OXR1: variants seen among roughly 807,000 people sequenced by gnomAD.
OXR1 encodes oxidation resistance protein 1.
Under a neutral mutation model 104.6 loss-of-function variants are expected in OXR1, and 41 were observed. The observed-to-expected ratio is 0.39, with a 90% CI of 0.31 to 0.51. The LOEUF (loss-of-function observed/expected upper bound fraction) is 0.51. Among genes scored for constraint, OXR1 ranks in the 20% least tolerant of loss-of-function variants. The pLI is 0.77. For synonymous variants in OXR1, 348 were observed against 348.4 expected, an observed-to-expected ratio of 1.00 and a Z score of 0.01; for missense variants, 955 against 1,031.9, an observed-to-expected ratio of 0.93 and a Z score of 1.02.
chr8:106,711,157 A>G (rs1319684776), intron 10 of OXR1, among the ~76,000 whole-genome samples: 1 of 152,120 alleles, frequency 6.6e-6, no homozygotes, highest in Non-Finnish European at 1.5e-5. Flanking sequence ...AATATCTTCT[A>G]TATACGTGAC....
At chr8:106,723,582 T>C (rs1833045270) in intron 11 of OXR1, among the ~76,000 whole-genome samples, 1 of 150,126 alleles carries the variant, frequency 6.7e-6, no homozygotes. Flanking sequence ...TGAGGCAGGA[T>C]AATCACTTGA....
chr8:106,529,917 A>G (rs963241384), intron 3 of OXR1, among the ~76,000 whole-genome samples: 2 of 152,230 alleles, frequency 1.3e-5, no homozygotes, highest in Non-Finnish European at 2.9e-5. Flanking sequence ...CATGGTTGAG[A>G]AATAAGCATG....
intron 11 of OXR1, among the ~76,000 whole-genome samples, chr8:106,717,171 G>A (rs530289242): frequency 7.2e-5 from 11 of 152,166 alleles, no homozygotes; most frequent in African/African-American, 2.6e-4. Flanking sequence ...GGGCAACAGA[G>A]TGAGACTCCA....
chr8:106,511,336 C>T (rs1812512022), intron 2 of OXR1, among the ~76,000 whole-genome samples: 1 of 152,156 alleles, frequency 6.6e-6, no homozygotes, highest in Non-Finnish European at 1.5e-5. Context: ...ACTTGGAAAA[C>T]CTGCATTCTC....
At chr8:106,651,830 C>A (rs1237197323) in intron 3 of OXR1, among the ~76,000 whole-genome samples, 1 of 152,038 alleles carries the variant, frequency 6.6e-6, no homozygotes, top group African/African-American at 2.4e-5. Flanking sequence ...GAGTGTATTG[C>A]ATCTGTATAT....
chr8:106,398,199 C>T lies in OXR1; in HGVS notation c.23+38563C>T, dbSNP rs189873351. Among the ~76,000 whole-genome samples, 387 of 152,250 alleles carry T rather than the reference C, an allele frequency of 2.5e-3. 4 individuals carry two copies. Among genetic ancestry groups the T allele is most frequent in the African/African-American group, 8.7e-3 (363 of 41,540 alleles). ...TTGTATCACTAATTCTCTTCATTGG[C>T]TGAGCTGTGGTCTAGACTGTCAGTA... On this transcript the variant is annotated intron_variant, in intron 2 of 16. Transcript: ENST00000517566.
At chr8:106,387,711 A>G (rs1169809785) in intron 2 of OXR1, among the ~76,000 whole-genome samples, 1 of 152,180 alleles carries the variant, frequency 6.6e-6, no homozygotes, top group Admixed American at 6.6e-5. Flanking sequence ...TTTAATTTCA[A>G]ATAGATCATT....
intron 3 of OXR1, among the ~76,000 whole-genome samples, chr8:106,578,474 T>C (rs1167705588): frequency 1.3e-5 from 2 of 152,242 alleles, no homozygotes; most frequent in South Asian, 2.1e-4. Flanking sequence ...GTAACTCCGA[T>C]AGAAGCTATC....
chr8:106,707,175 T>G (rs1345124578), intron 9 of OXR1, 30 bp downstream of exon 9: 1 of 1,601,010 alleles, frequency 6.2e-7, no homozygotes. Context: ...TGAAGTTAGT[T>G]CATCCAATTG....
chr8:106,576,356 A>G (rs2130595488), intron 3 of OXR1, among the ~76,000 whole-genome samples: 1 of 150,432 alleles, frequency 6.6e-6, no homozygotes, highest in South Asian at 2.1e-4. Flanking sequence ...ACTTTATGTT[A>G]TTTTTAGAAT....
At chr8:106,739,888 T>G (rs1834771693) in intron 13 of OXR1, among the ~76,000 whole-genome samples, 1 of 152,186 alleles carries the variant, frequency 6.6e-6, no homozygotes, top group African/African-American at 2.4e-5. Context: ...ATGCACATTT[T>G]TTATTAAGTT....
chr8:106,538,241 A>G (rs1480735586), intron 3 of OXR1, among the ~76,000 whole-genome samples: 3 of 152,216 alleles, frequency 2.0e-5, no homozygotes, highest in Non-Finnish European at 2.9e-5. Flanking sequence ...AAATTCTTGA[A>G]TTTTAATATT....
chr8:106,440,114 C>T (rs369370036), intron 2 of OXR1, among the ~76,000 whole-genome samples: 36 of 152,160 alleles, frequency 2.4e-4, no homozygotes, highest in African/African-American at 8.4e-4. Context: ...TGCTCCTCAG[C>T]GGTGGGACTG....
chr8:106,405,162 A>AGTGTGTG (rs765094364), intron 2 of OXR1, among the ~76,000 whole-genome samples: 1 of 48,026 alleles, frequency 2.1e-5, no homozygotes, highest in Non-Finnish European at 4.2e-5. Flanking sequence ...ATATATATAT[A>AGTGTGTG]TATATATATA....
chr8:106,320,698 G>A (rs1483228041), intron 1 of OXR1, among the ~76,000 whole-genome samples: 1 of 151,688 alleles, frequency 6.6e-6, no homozygotes, highest in African/African-American at 2.4e-5. Context: ...CGGGGACAGA[G>A]TCTTGCTCTG....
chr8:106,718,761 C>G (rs1379132580), intron 11 of OXR1, among the ~76,000 whole-genome samples: 2 of 151,398 alleles, frequency 1.3e-5, no homozygotes, highest in African/African-American at 4.9e-5. Flanking sequence ...ATGGCGTGAA[C>G]CTGGGAGGTG....
chr8:106,293,671 C>T (rs894920022), intron 1 of OXR1, among the ~76,000 whole-genome samples: 2 of 152,212 alleles, frequency 1.3e-5, no homozygotes, highest in African/African-American at 4.8e-5. Context: ...AAGGCTTCAT[C>T]TGGTGAGGGC....
At chr8:106,659,832 A>G (rs1429321292) in intron 3 of OXR1, among the ~76,000 whole-genome samples, 2 of 152,186 alleles carry the variant, frequency 1.3e-5, no homozygotes, top group South Asian at 2.1e-4. Context: ...ATGTGTTTAT[A>G]TATGTGGAGC....
chr8:106,483,733 C>A (rs1485574658), intron 2 of OXR1, among the ~76,000 whole-genome samples: 1 of 151,926 alleles, frequency 6.6e-6, no homozygotes, highest in Non-Finnish European at 1.5e-5. Context: ...CATGGATGAA[C>A]AACCAAATTT....
Sources: gnomAD v4.1 joint callset for allele counts (sites outside exome capture counted in the v4.1 genomes callset) on GRCh38, gnomAD v4.1.1 for gene constraint, MANE v1.5 for transcripts, NCBI Gene and HGNC (gene_info 2026-07-23, HGNC 2026-07-21) for gene names.